GLG1: variants seen among roughly 807,000 people sequenced by gnomAD.
GLG1 encodes the protein golgi glycoprotein 1, also known as Golgi apparatus protein 1.
Under a neutral mutation model 160.5 loss-of-function variants are expected in GLG1, and 38 were observed. The observed-to-expected ratio is 0.24, with a 90% CI of 0.18 to 0.31. GLG1 has a LOEUF of 0.31. Ranked by LOEUF, GLG1 falls within the 10% of genes least tolerant of loss-of-function variation. The pLI is 1.00. For synonymous variants in GLG1, 644 were observed against 543.4 expected, an observed-to-expected ratio of 1.19 and a Z score of -2.57; for missense variants, 1,373 against 1,505.2, an observed-to-expected ratio of 0.91 and a Z score of 1.45.
intron 1 of GLG1, among the ~76,000 whole-genome samples, chr16:74,553,142 C>T (rs2018248938): frequency 6.6e-6 from 1 of 151,702 alleles, no homozygotes; most frequent in Non-Finnish European, 1.5e-5. Flanking sequence ...ATCACCTGAA[C>T]CTGGGAGGCG....
chr16:74,502,486 A>ATT (rs2016440883), intron 4 of GLG1, among the ~76,000 whole-genome samples: 1 of 152,164 alleles, frequency 6.6e-6, no homozygotes, highest in Non-Finnish European at 1.5e-5. Context: ...GTACCTTCAC[A>ATT]TATCTTAAAA....
intron 2 of GLG1, among the ~76,000 whole-genome samples, chr16:74,513,786 G>A (rs147420303): frequency 0.024 from 3,705 of 152,220 alleles, 59 homozygotes; most frequent in Non-Finnish European, 0.036. Context: ...GAAGGAGAAC[G>A]AATTTGACAA....
intron 2 of GLG1, among the ~76,000 whole-genome samples, chr16:74,510,354 G>A (rs1567492798): frequency 1.3e-5 from 2 of 152,110 alleles, no homozygotes; most frequent in South Asian, 2.1e-4. Context: ...TTATACAACT[G>A]TTTTAACACA....
intron 1 of GLG1, among the ~76,000 whole-genome samples, chr16:74,538,799 T>C (rs2017754787): frequency 1.3e-5 from 2 of 149,290 alleles, no homozygotes; most frequent in Admixed American, 1.3e-4. Context: ...TATCTAATCA[T>C]CATACAAGGC....
intron 8 of GLG1, among the ~76,000 whole-genome samples, chr16:74,486,397 A>G (rs1469140): frequency 6.6e-6 from 1 of 152,102 alleles, no homozygotes; most frequent in Non-Finnish European, 1.5e-5. Flanking sequence ...TTAAAAGCAG[A>G]TGTGCAATTT....
chr16:74,497,598 C>G (rs377127732), intron 4 of GLG1, among the ~76,000 whole-genome samples: 1 of 151,966 alleles, frequency 6.6e-6, no homozygotes. Flanking sequence ...CCACCACGCC[C>G]GGCTAATTTT....
At chr16:74,556,502 C>T (rs1334884901) in intron 1 of GLG1, among the ~76,000 whole-genome samples, 1 of 151,768 alleles carries the variant, frequency 6.6e-6, no homozygotes, top group African/African-American at 2.4e-5. Context: ...TCTGGGGCAA[C>T]CTGGTGAGAC....
At chr16:74,518,200 T>G (rs890445277) in intron 2 of GLG1, among the ~76,000 whole-genome samples, 1 of 152,136 alleles carries the variant, frequency 6.6e-6, no homozygotes, top group African/African-American at 2.4e-5. Flanking sequence ...TAAAAACGAC[T>G]TTAAACTTCA....
At chr16:74,545,160 A>G (rs1290239757) in intron 1 of GLG1, among the ~76,000 whole-genome samples, 1 of 152,160 alleles carries the variant, frequency 6.6e-6, no homozygotes, top group Non-Finnish European at 1.5e-5. Context: ...ATGGAAAAAC[A>G]GGATTTAAAT....
At chr16:74,573,014 T>A (rs1030393444) in intron 1 of GLG1, among the ~76,000 whole-genome samples, 2 of 152,126 alleles carry the variant, frequency 1.3e-5, no homozygotes, top group African/African-American at 4.8e-5. Context: ...ATCTGCAGAA[T>A]TGGTTGTTGG....
chr16:74,481,545 T>C (rs1294372965), intron 10 of GLG1, among the ~76,000 whole-genome samples: 3 of 152,164 alleles, frequency 2.0e-5, no homozygotes, highest in Admixed American at 2.0e-4. Context: ...GTAGACTATT[T>C]AGGTTGAGAT....
intron 4 of GLG1, among the ~76,000 whole-genome samples, chr16:74,499,992 G>C (rs562646661): frequency 6.6e-6 from 1 of 152,240 alleles, no homozygotes; most frequent in African/African-American, 2.4e-5. Context: ...GACAGAGTGA[G>C]ACTCCGTCTC....
At chr16:74,480,535 G>C (rs1180079240) in intron 10 of GLG1, 141 bp from the exon 11 acceptor site, 4 of 548,432 alleles carry the variant, frequency 7.3e-6, no homozygotes, top group Non-Finnish European at 1.3e-5. Context: ...ATATGTAAAA[G>C]TATATTCCTG....
At chr16:74,488,285 T>C (rs1201469749) in intron 8 of GLG1, among the ~76,000 whole-genome samples, 1 of 152,080 alleles carries the variant, frequency 6.6e-6, no homozygotes, top group Non-Finnish European at 1.5e-5. Context: ...CTCATGCCTG[T>C]AATCCCAGCA....
intron 1 of GLG1, among the ~76,000 whole-genome samples, chr16:74,579,358 G>A (rs893568983): frequency 4.1e-5 from 3 of 73,032 alleles, no homozygotes; most frequent in African/African-American, 7.9e-5. Context: ...AAAGGCTGCA[G>A]TGAGCCGTGA....
At chr16:74,538,284 T>A (rs1298437189) in intron 1 of GLG1, among the ~76,000 whole-genome samples, 1 of 151,306 alleles carries the variant, frequency 6.6e-6, no homozygotes, top group Non-Finnish European at 1.5e-5. Flanking sequence ...GACACTCTGC[T>A]GCAGTATTAA....
At chr16:74,485,485 T>C (rs896764763) in intron 9 of GLG1, among the ~76,000 whole-genome samples, 1 of 152,228 alleles carries the variant, frequency 6.6e-6, no homozygotes, top group Non-Finnish European at 1.5e-5. Context: ...TCCTGAGTGT[T>C]TCTCTCTTTC....
rs2015905573 is a variant in GLG1 at position 74,489,440 on chromosome 16, C to T, written c.1449+1561G>A. 2.0e-5 allele frequency among the ~76,000 whole-genome samples: 3 copies of T among 151,658 alleles called. No homozygotes were observed. In the South Asian group the frequency reaches 6.3e-4, roughly 32 times the overall value. Reference sequence around the variant, plus strand: ...GAGCAGAGGTTGCGCCATTACACTCCAGCCTGGGCAACAAGAGTGAGACTC... The same window carrying T: ...GAGCAGAGGTTGCGCCATTACACTCTAGCCTGGGCAACAAGAGTGAGACTC... On this transcript the variant is annotated intron_variant, in intron 8 of 25. Transcript: ENST00000422840.
chr16:74,499,627 T>C (rs2016335713), intron 4 of GLG1, among the ~76,000 whole-genome samples: 1 of 152,206 alleles, frequency 6.6e-6, no homozygotes, highest in Non-Finnish European at 1.5e-5. Flanking sequence ...AACACATTTC[T>C]CAGAACGTGT....
Sources: allele counts gnomAD v4.1 joint callset (sites outside exome capture counted in the v4.1 genomes callset), GRCh38; gene constraint gnomAD v4.1.1; transcripts MANE v1.5; gene names NCBI Gene and HGNC (gene_info 2026-07-23, HGNC 2026-07-21).